The following STRBP variants were observed in gnomAD, a reference collection of about 807,000 sequenced individuals.
STRBP encodes the protein spermatid perinuclear RNA binding protein.
Under a neutral mutation model 80.1 loss-of-function variants are expected in STRBP, and 13 were observed. The ratio of observed to expected loss-of-function variants is 0.16; its 90% confidence interval spans 0.11 to 0.26. STRBP has a LOEUF of 0.26. Ranked by LOEUF, STRBP falls within the 10% of genes least tolerant of loss-of-function variation. STRBP has a pLI of 1.00. For missense variants in STRBP, 485 were observed against 815.2 expected, an observed-to-expected ratio of 0.59 and a Z score of 4.93; for synonymous variants, 284 against 291.2, an observed-to-expected ratio of 0.98 and a Z score of 0.25.
At chr9:123,116,292 G>A (rs943715730) in intron 2 of STRBP, among the ~76,000 whole-genome samples, 5 of 152,064 alleles carry the variant, frequency 3.3e-5, no homozygotes, top group African/African-American at 7.2e-5. Context: ...TGGATGAGGC[G>A]GAACATAAAA....
chr9:123,182,495 A>C (rs1371736023), intron 3 of STRBP, among the ~76,000 whole-genome samples: 1 of 152,244 alleles, frequency 6.6e-6, no homozygotes, highest in Non-Finnish European at 1.5e-5. Flanking sequence ...ACTATAAGAA[A>C]TGAGCGGAAT....
chr9:123,256,269 T>C (rs1310883423), intron 1 of STRBP, among the ~76,000 whole-genome samples: 1 of 152,092 alleles, frequency 6.6e-6, no homozygotes, highest in African/African-American at 2.4e-5. Flanking sequence ...TCCTCCGCCT[T>C]GGTGTCCCAA....
chr9:123,115,799 T>G lies in STRBP; in HGVS notation c.*84+130A>C. 2.9e-6 allele frequency: 1 copy of G among 348,198 alleles called. No individual in the cohort carries two copies. The highest frequency in any genetic ancestry group is 5.7e-6 in the Non-Finnish European group (1 of 176,596). 21.6% of individuals were successfully genotyped at this position (348,198 alleles called of 1,614,324 possible). Reference sequence around the variant, plus strand: ...CAGGGAGCTCATGTCGCACCTCAGCTGCTCTCTCAAGGCTGCGTCTGTCAT... The same window carrying G: ...CAGGGAGCTCATGTCGCACCTCAGCGGCTCTCTCAAGGCTGCGTCTGTCAT... On this transcript the variant is annotated intron_variant and NMD_transcript_variant, in intron 3 of 3. Coordinates refer to the STRBP transcript ENST00000471564. The surrounding 1 kb of genome is among the most constrained non-coding windows in gnomAD (Gnocchi z 5.0).
At position 123,115,504 on chromosome 9, in the gene STRBP, A is replaced by G. The variant is rs1477744558; in HGVS notation, c.*84+425T>C. ...CTTTCTTCCCCTCCCTGTACTCTCC[A>G]TCTGGGTCAATGATTTCACCTTCTA... On this transcript the variant is annotated intron_variant and NMD_transcript_variant, in intron 3 of 3. Coordinates refer to the STRBP transcript ENST00000471564. The surrounding 1 kb of genome is among the most constrained non-coding windows in gnomAD (Gnocchi z 5.0). 2 of 389,016 alleles carry G rather than the reference A, an allele frequency of 5.1e-6. No homozygotes were observed. Among genetic ancestry groups the G allele is most frequent in the East Asian group, 7.4e-5 (1 of 13,594 alleles). The allele number at this position is 389,016 out of a possible 1,614,324, so 24.1% of individuals were successfully genotyped here.
At chr9:123,245,713 A>C (rs2040787138) in intron 1 of STRBP, among the ~76,000 whole-genome samples, 1 of 152,202 alleles carries the variant, frequency 6.6e-6, no homozygotes, top group Non-Finnish European at 1.5e-5. Flanking sequence ...ACTCTCAGGT[A>C]ATTCTAACGT....
In STRBP at chr9:123,136,151, C is replaced by A; in HGVS notation, c.1663G>T (p.Ala555Ser). Residue 555 changes from alanine (A) to serine (S), a missense_variant, in exon 16 of 19, where the codon GCA (alanine) becomes TCA (serine). Ala to Ser is a moderately conservative substitution (Grantham distance 99). This residue lies in a region of STRBP where 23 missense variants were observed against 79.0 expected (regional missense o/e 0.29). Transcript: ENST00000348403. The surrounding 1 kb of genome is among the most constrained non-coding windows in gnomAD (Gnocchi z 4.2). ...VEVDGQKFRG[A>S]GPNKKVAKAS... Reference sequence around the variant, plus strand: ...TTTGCCACTTTCTTATTTGGACCTGCGCCTCTGAATTTCTGTCCATCTACT... The same window carrying A: ...TTTGCCACTTTCTTATTTGGACCTGAGCCTCTGAATTTCTGTCCATCTACT... The A allele has an allele frequency of 6.2e-7, 1 of 1,614,056 alleles. No individual in the cohort carries two copies. Among genetic ancestry groups the A allele is most frequent in the East Asian group, 2.2e-5 (1 of 44,892 alleles).
At chr9:123,205,072 C>T (rs1050600716) in intron 2 of STRBP, among the ~76,000 whole-genome samples, 1 of 152,046 alleles carries the variant, frequency 6.6e-6, no homozygotes, top group African/African-American at 2.4e-5. Flanking sequence ...TCAAGACCAG[C>T]CTGGCCAACA....
chr9:123,136,119 A>G lies in STRBP; in HGVS notation c.1695T>C (p.Ser565=). ...AGPNKKVAKA[S]AALAALEKLF... ...GTTTCTCCAAGGCAGCTAAAGCTGCACTCGCCTTTGCCACTTTCTTATTTG... is the reference window on the plus strand; with the variant it reads ...GTTTCTCCAAGGCAGCTAAAGCTGCGCTCGCCTTTGCCACTTTCTTATTTG... The change falls in exon 16 of 19, where the codon AGT becomes AGC. Residue 565 remains serine, a synonymous_variant. Transcript: ENST00000348403. This position sits in a 1 kb window ranked among gnomAD's most constrained non-coding sequence, Gnocchi z 4.2. 2 of 1,614,188 alleles carry G rather than the reference A, an allele frequency of 1.2e-6. No homozygotes were observed. The highest frequency in any genetic ancestry group is 8.5e-7 in the Non-Finnish European group (1 of 1,180,024).
At chr9:123,211,498 T>C (rs952813687) in intron 2 of STRBP, among the ~76,000 whole-genome samples, 6 of 152,122 alleles carry the variant, frequency 3.9e-5, no homozygotes, top group African/African-American at 7.2e-5. Context: ...ACCTTTTTTT[T>C]CCCCAATGGT....
chr9:123,223,674 A>C (rs185031317), intron 2 of STRBP, among the ~76,000 whole-genome samples: 4 of 152,326 alleles, frequency 2.6e-5, no homozygotes, highest in Non-Finnish European at 4.4e-5. Context: ...GGAAAAAAGA[A>C]ACACAAAAGC....
chr9:123,112,279 A>AGGGGC (rs1289261974), intron 3 of STRBP: 1 of 167,214 alleles, frequency 6.0e-6, no homozygotes, highest in Non-Finnish European at 1.5e-5. Flanking sequence ...GCTCAGGCAG[A>AGGGGC]GGGGCAAGTG....
At chr9:123,238,664 T>C (rs1244011392) in intron 1 of STRBP, among the ~76,000 whole-genome samples, 1 of 152,146 alleles carries the variant, frequency 6.6e-6, no homozygotes, top group Non-Finnish European at 1.5e-5. Context: ...AATGAATTGA[T>C]AAATAGTTAA....
At chr9:123,178,716 GGAAAAAGATCATAAC>G (rs2038326972) in intron 4 of STRBP, among the ~76,000 whole-genome samples, 4 of 152,098 alleles carry the variant, frequency 2.6e-5, no homozygotes, top group Admixed American at 6.6e-5. Flanking sequence ...AATCAACACA[GGAAAAAGATCATAAC>G]TTTGAAACAT....
chr9:123,216,600 T>C (rs1278570855), intron 2 of STRBP, among the ~76,000 whole-genome samples: 1 of 152,194 alleles, frequency 6.6e-6, no homozygotes, highest in Non-Finnish European at 1.5e-5. Context: ...TCCAAGCTTA[T>C]CAGAGTGTAC....
At position 123,110,557 on chromosome 9, in the gene STRBP, G is replaced by A. The variant is rs1400129536; in HGVS notation, c.*85-804C>T. On this transcript the variant is annotated intron_variant and NMD_transcript_variant, in intron 3 of 3. Transcript: ENST00000471564. This position sits in a 1 kb window ranked among gnomAD's most constrained non-coding sequence, Gnocchi z 4.1. The stretch of plus-strand genomic sequence containing the variant: ...CTTTGGGGAAAACGGGATAAACACT[G>A]CTAGGAGCTAAAAAGTATATGGTGT... 5.9e-6 allele frequency: 1 copy of A among 169,528 alleles called. No individual in the cohort carries two copies. Among genetic ancestry groups the A allele is most frequent in the Non-Finnish European group, 1.5e-5 (1 of 68,342 alleles). The allele number at this position is 169,528 out of a possible 1,614,324, so 10.5% of individuals were successfully genotyped here. A position where few individuals can be genotyped will look rare whatever the true frequency, so the allele number is the denominator to read the frequency against.
intron 1 of STRBP, among the ~76,000 whole-genome samples, chr9:123,258,245 G>A (rs1435359295): frequency 6.6e-6 from 1 of 152,112 alleles, no homozygotes; most frequent in East Asian, 1.9e-4. Context: ...ATATCAGGTG[G>A]AGAAAAAAAG....
chr9:123,199,498 C>T (rs2039230904), intron 2 of STRBP, among the ~76,000 whole-genome samples: 2 of 152,200 alleles, frequency 1.3e-5, no homozygotes, highest in South Asian at 4.1e-4. Flanking sequence ...AATATTGATT[C>T]TTCCAATCCA....
chr9:123,150,402 A>C (rs1304341048), intron 11 of STRBP, among the ~76,000 whole-genome samples: 1 of 152,146 alleles, frequency 6.6e-6, no homozygotes, highest in Non-Finnish European at 1.5e-5. Context: ...GAATTTTAAA[A>C]TCAAGATCTG....
chr9:123,217,971 C>A (rs1008210501), intron 2 of STRBP, among the ~76,000 whole-genome samples: 2 of 152,174 alleles, frequency 1.3e-5, no homozygotes, highest in African/African-American at 2.4e-5. Flanking sequence ...GTTTTTTATT[C>A]TTTATAGTTA....
Sources: gnomAD v4.1 joint callset for allele counts (sites outside exome capture counted in the v4.1 genomes callset) on GRCh38, gnomAD v4.1.1 for gene constraint, gnomAD v4.1.1 regional missense constraint, Gnocchi (gnomAD v3.1) non-coding constraint, MANE v1.5 for transcripts, NCBI Gene and HGNC (gene_info 2026-07-23, HGNC 2026-07-21) for gene names.